ABHD2: variants seen among roughly 807,000 people sequenced by gnomAD.
ABHD2 encodes the protein abhydrolase domain containing 2, acylglycerol lipase.
ABHD2 carries 20 observed loss-of-function variants against 48.1 expected under a neutral mutation model. The observed-to-expected ratio is 0.42, with a 90% CI of 0.29 to 0.60. The LOEUF is 0.60. Ranked by LOEUF, ABHD2 falls within the 20% of genes least tolerant of loss-of-function variation. The pLI is 0.24. For missense variants in ABHD2, 405 were observed against 550.9 expected (o/e 0.74, Z 2.65); for synonymous variants, 209 against 214.2 (o/e 0.98, Z 0.21).
At chr15:89,065,716 A>G in the ABHD2 span, among the ~76,000 whole-genome samples, 26,650 of 152,080 alleles carry the variant, frequency 0.18, 2,529 homozygotes, top group Middle Eastern at 0.19. Flanking sequence ...TTATGTCTAT[A>G]CAGACTCTAG....
intron 6 of ABHD2, among the ~76,000 whole-genome samples, chr15:89,178,238 TTG>T (rs905712156): frequency 3.9e-4 from 60 of 152,344 alleles, no homozygotes; most frequent in African/African-American, 1.3e-3. Context: ...ACTGTTGTCC[TTG>T]TGTGTGCTGG....
rs987432020 is a variant in ABHD2, at chr15:89,195,056, C to T, written c.1082-171C>T. Among the ~76,000 whole-genome samples, 1 of 152,218 alleles carries T rather than the reference C, an allele frequency of 6.6e-6. No individual in the cohort carries two copies. The highest frequency in any genetic ancestry group is 2.4e-5 in the African/African-American group (1 of 41,462). ...GTACTCTAAAACCTGCTAGATGCCA[C>T]TGTCTTGCCTGCCCCCTCTTTGGTG... On this transcript the variant is annotated intron_variant, in intron 10 of 10. Coordinates refer to ENST00000352732, the MANE Select transcript of ABHD2 (RefSeq NM_152924.5). The surrounding 1 kb of genome is among the most constrained non-coding windows in gnomAD (Gnocchi z 5.1).
chr15:89,149,925 G>A (rs1016167703), intron 3 of ABHD2, among the ~76,000 whole-genome samples: 4 of 152,198 alleles, frequency 2.6e-5, no homozygotes, highest in East Asian at 1.9e-4. Context: ...TGGAGTAGGT[G>A]GTGAGAGCAA....
chr15:89,118,760 A>G (rs1021757570), intron 3 of ABHD2, among the ~76,000 whole-genome samples: 4 of 152,202 alleles, frequency 2.6e-5, no homozygotes, highest in Non-Finnish European at 5.9e-5. Context: ...ATTCCATACT[A>G]ATTGTTCAAA....
rs996394769 is a variant in ABHD2 at position 89,198,266 on chromosome 15, T to A, written c.*2843T>A. 1 of 152,230 alleles carries A rather than the reference T, an allele frequency of 6.6e-6. No homozygotes were observed. The highest frequency in any genetic ancestry group is 2.1e-4 in the South Asian group (1 of 4,834). 9.4% of individuals were successfully genotyped at this position (152,230 alleles called of 1,614,324 possible). A position where few individuals can be genotyped will look rare whatever the true frequency, so the allele number is the denominator to read the frequency against. On this transcript the variant is annotated 3_prime_UTR_variant, in exon 11 of 11. Transcript: ENST00000352732. The surrounding 1 kb of genome is among the most constrained non-coding windows in gnomAD (Gnocchi z 5.1). ...GGACAATTCCATTGCAGGAATAATA[T>A]GTTAAAAACCAATGGGGAGAAGCAC... is the stretch of plus-strand genomic sequence containing the variant.
chr15:89,201,855 A>T lies in ABHD2; in HGVS notation c.*6432A>T, dbSNP rs1046949904. 2 of 872,504 alleles carry T rather than the reference A, an allele frequency of 2.3e-6. No homozygotes were observed. Among genetic ancestry groups the T allele is most frequent in the Non-Finnish European group, 3.7e-6 (2 of 542,386 alleles). The allele number at this position is 872,504 out of a possible 1,614,324, so 54.0% of individuals were successfully genotyped here. ...GCTTGCTCGCTGGGGGCGGGGGACG[A>T]TGGCGAGAGGGGAGGGGGAGCGAGT... On this transcript the variant is annotated 3_prime_UTR_variant, in exon 11 of 11. Coordinates refer to ENST00000352732, the MANE Select transcript of ABHD2 (RefSeq NM_152924.5).
At chr15:89,073,200 G>A in the ABHD2 span, among the ~76,000 whole-genome samples, 3 of 152,172 alleles carry the variant, frequency 2.0e-5, no homozygotes, top group African/African-American at 7.2e-5. Context: ...GTGGAGCAAT[G>A]CTAAACTTAA....
Position 89,186,365 on chromosome 15 carries a change from G to GCTTTTTT in ABHD2, c.815+850_815+851insTTTTTTC, listed in dbSNP as rs2051209982. Reference sequence around the variant, plus strand: ...TATGCATAGCACCAGATAAATATTAGCAATGACTTTTTCATTATGATTATT... The same window carrying GCTTTTTT: ...TATGCATAGCACCAGATAAATATTAGCTTTTTTCAATGACTTTTTCATTATGATTATT... On this transcript the variant is annotated intron_variant, in intron 7 of 10. Transcript: ENST00000352732. This position sits in a 1 kb window ranked among gnomAD's most constrained non-coding sequence, Gnocchi z 4.3. 2.0e-5 allele frequency among the ~76,000 whole-genome samples: 3 copies of GCTTTTTT among 152,124 alleles called. No individual in the cohort carries two copies. The highest frequency in any genetic ancestry group is 2.9e-5 in the Non-Finnish European group (2 of 68,024).
the ABHD2 span, among the ~76,000 whole-genome samples, chr15:89,048,845 G>T: frequency 2.0e-5 from 3 of 150,820 alleles, no homozygotes; most frequent in Non-Finnish European, 4.4e-5. Flanking sequence ...TGGTTTGAAT[G>T]TCCTCCCGTA....
intron 3 of ABHD2, among the ~76,000 whole-genome samples, chr15:89,134,574 T>C (rs968677809): frequency 6.6e-6 from 1 of 152,244 alleles, no homozygotes; most frequent in African/African-American, 2.4e-5. Context: ...ACCCCAGCAC[T>C]GCTTGTTTTC....
rs1382584555 is a variant in ABHD2 at position 89,182,951 on chromosome 15, C to T, written c.723-2473C>T. ...CAGCTCCAATAACATGAATTCATAC[C>T]CCCATCTTGTTTCCTCTACACCTAT... On this transcript the variant is annotated intron_variant, in intron 6 of 10. Coordinates refer to ENST00000352732, the MANE Select transcript of ABHD2 (RefSeq NM_152924.5). This position sits in a 1 kb window ranked among gnomAD's most constrained non-coding sequence, Gnocchi z 4.8. Among the ~76,000 whole-genome samples the T allele has an allele frequency of 6.6e-6, 1 of 152,072 alleles. No individual in the cohort carries two copies. Among genetic ancestry groups the T allele is most frequent in the African/African-American group, 2.4e-5 (1 of 41,380 alleles).
chr15:89,139,965 A>G (rs2050376809), intron 3 of ABHD2, among the ~76,000 whole-genome samples: 1 of 152,334 alleles, frequency 6.6e-6, no homozygotes. Context: ...GCCACGCAGC[A>G]GGTCTCTGTA....
the ABHD2 span, among the ~76,000 whole-genome samples, chr15:89,072,526 G>T: frequency 0.18 from 25,648 of 143,542 alleles, 2,588 homozygotes; most frequent in East Asian, 0.33. Flanking sequence ...ATGAGCAGGA[G>T]GGGGAGGGGA....
At chr15:89,069,539 A>G in the ABHD2 span, among the ~76,000 whole-genome samples, 11 of 152,164 alleles carry the variant, frequency 7.2e-5, no homozygotes, top group South Asian at 8.3e-4. Flanking sequence ...TGTGTTACTC[A>G]TGTTCTTGCT....
rs1263796171 is a variant in ABHD2, at chr15:89,195,354, C to T, written c.1209C>T (p.Ala403=). 1.2e-6 allele frequency: 2 copies of T among 1,614,116 alleles called. No homozygotes were observed. Among genetic ancestry groups the T allele is most frequent in the African/African-American group, 1.3e-5 (1 of 74,946 alleles). Reference sequence around the variant, plus strand: ...AGCTGGTGGTGGAGTACGCCAACGCCATTTGCCAATGGGAGCGTAACAAGT... The same window carrying T: ...AGCTGGTGGTGGAGTACGCCAACGCTATTTGCCAATGGGAGCGTAACAAGT... ...MDKLVVEYAN[A]ICQWERNKLQ... is the part of the protein sequence containing the mutation. The change falls in exon 11 of 11, where the codon GCC becomes GCT. Residue 403 remains alanine, a synonymous_variant. Transcript: ENST00000352732. This position sits in a 1 kb window ranked among gnomAD's most constrained non-coding sequence, Gnocchi z 5.1.
the ABHD2 span, among the ~76,000 whole-genome samples, chr15:89,056,516 G>T: frequency 6.6e-6 from 1 of 152,102 alleles, no homozygotes; most frequent in Non-Finnish European, 1.5e-5. Context: ...GGTGGCAGGT[G>T]CCTGTGGTCC....
rs759464931 is a variant in ABHD2 at position 89,116,296 on chromosome 15, C to T, written c.-6-26C>T. ...CACCCGTCCTCACTGTGCTTGTAAA[C>T]TTAGACCTGTGCCTCTGCTCCCCAG... On this transcript the variant is annotated intron_variant, in intron 2 of 10. Transcript: ENST00000352732. The surrounding 1 kb of genome is among the most constrained non-coding windows in gnomAD (Gnocchi z 4.6). The T allele has an allele frequency of 1.9e-6, 3 of 1,601,164 alleles. No individual in the cohort carries two copies. In the East Asian group the frequency reaches 6.7e-5, roughly 36 times the overall value.
the ABHD2 span, among the ~76,000 whole-genome samples, chr15:89,058,567 C>G: frequency 3.8e-4 from 58 of 152,248 alleles, no homozygotes; most frequent in African/African-American, 1.4e-3. Flanking sequence ...GGAGCTTCTC[C>G]TGCTCTGGGC....
intron 5 of ABHD2, among the ~76,000 whole-genome samples, chr15:89,159,146 G>A (rs1034957343): frequency 6.6e-6 from 1 of 151,966 alleles, no homozygotes; most frequent in African/African-American, 2.4e-5. Context: ...GGAGGCTGAG[G>A]TGGACAGATT....
Sources: allele counts gnomAD v4.1 joint callset (sites outside exome capture counted in the v4.1 genomes callset), GRCh38; gene constraint gnomAD v4.1.1; non-coding constraint Gnocchi (gnomAD v3.1); transcripts MANE v1.5; gene names NCBI Gene and HGNC (gene_info 2026-07-23, HGNC 2026-07-21).